TP63: variants seen among roughly 807,000 people sequenced by gnomAD.
The protein encoded by TP63 is tumor protein p63.
In TP63, 17 loss-of-function variants were observed where a neutral mutation model predicts 82.8. The observed-to-expected ratio is 0.21, with a 90% CI of 0.14 to 0.31. The LOEUF (loss-of-function observed/expected upper bound fraction) is 0.31. Ranked by LOEUF, TP63 falls within the 10% of genes least tolerant of loss-of-function variation. The pLI, the probability that TP63 is intolerant of heterozygous loss-of-function variation, is 1.00. For synonymous variants in TP63, 330 were observed against 321.7 expected, an observed-to-expected ratio of 1.03 and a Z score of -0.28; for missense variants, 648 against 895.3, an observed-to-expected ratio of 0.72 and a Z score of 3.52.
At chr3:189,828,418 G>A (rs1711773309) in intron 4 of TP63, among the ~76,000 whole-genome samples, 2 of 152,122 alleles carry the variant, frequency 1.3e-5, no homozygotes, top group Admixed American at 1.3e-4. Context: ...CTAGACATTG[G>A]TTTTAGAGGT....
chr3:189,852,598 G>A (rs1430836573), intron 4 of TP63, among the ~76,000 whole-genome samples: 1 of 152,090 alleles, frequency 6.6e-6, no homozygotes, highest in Admixed American at 6.5e-5. Context: ...ACTGCCCTAG[G>A]TTGGGCCTTC....
chr3:189,694,598 G>T (rs1322893380), intron 1 of TP63, among the ~76,000 whole-genome samples: 2 of 152,048 alleles, frequency 1.3e-5, no homozygotes. Flanking sequence ...TGGGGAGGAA[G>T]ACCATGCAGG....
Position 189,878,876 on chromosome 3 carries a change from C to A in TP63, c.1349+5881C>A, listed in dbSNP as rs1344634832. 4.1e-5 allele frequency among the ~76,000 whole-genome samples: 5 copies of A among 121,118 alleles called. 1 individual carries two copies. The highest frequency in any genetic ancestry group is 1.6e-4 in the African/African-American group (5 of 30,844). 79.5% of individuals were successfully genotyped at this position (121,118 alleles called of 152,430 possible). ...ACCCCTGACCTTGTGATCCCCCTGA[C>A]CTTGGCCTCCCACAGTGCTGGGATT... On this transcript the variant is annotated intron_variant, in intron 10 of 13. Coordinates refer to ENST00000264731, the MANE Select transcript of TP63 (RefSeq NM_003722.5).
In TP63 at chr3:189,694,865, G is replaced by T. The variant is rs1209546336; in HGVS notation, c.63-42875G>T. On this transcript the variant is annotated intron_variant, in intron 1 of 13. Coordinates refer to ENST00000264731, the MANE Select transcript of TP63 (RefSeq NM_003722.5). ...CTGTCTCCTAGCCTGGAGTGCAGTG[G>T]CGTGATCTTGGCTCACTGCAACCTC... 2.6e-5 allele frequency among the ~76,000 whole-genome samples: 3 copies of T among 116,922 alleles called. No individual in the cohort carries two copies. In the Admixed American group the frequency reaches 3.7e-4, roughly 15 times the overall value. 76.7% of individuals were successfully genotyped at this position (116,922 alleles called of 152,430 possible).
intron 5 of TP63, 113 bp downstream of exon 5, chr3:189,864,531 A>T: frequency 7.5e-5 from 43 of 574,958 alleles, no homozygotes; most frequent in Non-Finnish European, 1.0e-4. Context: ...CCGATGGCAG[A>T]TCAGTCTGCC....
Position 189,895,238 on chromosome 3 carries a change from T to A in TP63, c.*736T>A, listed in dbSNP as rs1055700666. On this transcript the variant is annotated 3_prime_UTR_variant, in exon 14 of 14. Transcript: ENST00000264731. ...ACGTTGGGGTGATTTAATCCAGTTA[T>A]AAGAAGAAGTTCATGTCCAAACGTC... The A allele has an allele frequency of 9.0e-6, 2 of 221,658 alleles. No individual in the cohort carries two copies. Among genetic ancestry groups the A allele is most frequent in the East Asian group, 6.6e-5 (1 of 15,154 alleles). 13.7% of individuals were successfully genotyped at this position (221,658 alleles called of 1,614,324 possible).
At position 189,848,408 on chromosome 3, in the gene TP63, A is replaced by T. The variant is rs13327249; in HGVS notation, c.580-15824A>T. ...TTTTTTTTTTTAATTTTGTATAGGC[A>T]GAGTCTTCTTGTATTGCCCAGACTG... is the stretch of plus-strand genomic sequence containing the variant. On this transcript the variant is annotated intron_variant, in intron 4 of 13. Coordinates refer to ENST00000264731, the MANE Select transcript of TP63 (RefSeq NM_003722.5). Among the ~76,000 whole-genome samples the T allele has an allele frequency of 2.3e-3, 344 of 150,930 alleles. 1 individual carries two copies. The highest frequency in any genetic ancestry group is 8.0e-3 in the African/African-American group (327 of 40,904).
At chr3:189,695,397 G>T (rs1424442741) in intron 1 of TP63, among the ~76,000 whole-genome samples, 1 of 152,068 alleles carries the variant, frequency 6.6e-6, no homozygotes, top group Admixed American at 6.6e-5. Context: ...GGTGCTACAA[G>T]ATGTTTCAGG....
intron 1 of TP63, among the ~76,000 whole-genome samples, chr3:189,714,901 G>C (rs1718850910): frequency 6.6e-6 from 1 of 152,034 alleles, no homozygotes; most frequent in African/African-American, 2.4e-5. Flanking sequence ...TACACAACCA[G>C]AGAAGCACTG....
intron 4 of TP63, among the ~76,000 whole-genome samples, chr3:189,828,018 A>G (rs1005630896): frequency 2.6e-5 from 4 of 152,178 alleles, no homozygotes; most frequent in Non-Finnish European, 5.9e-5. Context: ...AGGCTGGTGG[A>G]TCACCTGAGG....
rs1413841706 is a variant in TP63 at position 189,737,813 on chromosome 3, A to G, written c.136A>G (p.Thr46Ala). The G allele has an allele frequency of 1.2e-6, 2 of 1,614,044 alleles. No individual in the cohort carries two copies. The highest frequency in any genetic ancestry group is 4.5e-5 in the East Asian group (2 of 44,852). The change falls in exon 2 of 14, where the codon ACA becomes GCA. Residue 46 changes from threonine (T) to alanine (A), a missense_variant. Thr to Ala is a moderately conservative substitution (Grantham distance 58). This residue lies in a region of TP63 where 182 missense variants were observed against 213.6 expected (regional missense o/e 0.85). Coordinates refer to ENST00000264731, the MANE Select transcript of TP63 (RefSeq NM_003722.5). ...YRSTMSQSTQ[T>A]NEFLSPEVFQ... is the part of the protein sequence containing the mutation. The stretch of plus-strand genomic sequence containing the variant: ...ATCCACCATGTCCCAGAGCACACAG[A>G]CAAATGAATTCCTCAGTCCAGAGGT...
At chr3:189,867,296 T>C (rs1359222928) in intron 6 of TP63, among the ~76,000 whole-genome samples, 1 of 152,218 alleles carries the variant, frequency 6.6e-6, no homozygotes, top group Admixed American at 6.5e-5. Context: ...TGGCTTGCTG[T>C]GTGGACCTTC....
In TP63 at chr3:189,889,337, C is replaced by G; in HGVS notation, c.1508-3C>G. Reference sequence around the variant, plus strand: ...CCTTTTTGTTCCTCCTGCTTCTGTTCAGTTCCCATGATGGGCACCCACATG... The same window carrying G: ...CCTTTTTGTTCCTCCTGCTTCTGTTGAGTTCCCATGATGGGCACCCACATG... On this transcript the variant is annotated splice_region_variant and splice_polypyrimidine_tract_variant and intron_variant, in intron 11 of 13. Transcript: ENST00000264731. The G allele has an allele frequency of 6.2e-7, 1 of 1,614,172 alleles. No homozygotes were observed. Among genetic ancestry groups the G allele is most frequent in the Non-Finnish European group, 8.5e-7 (1 of 1,180,020 alleles).
At chr3:189,770,394 G>C (rs183417442) in intron 3 of TP63, among the ~76,000 whole-genome samples, 1 of 151,994 alleles carries the variant, frequency 6.6e-6, no homozygotes, top group East Asian at 1.9e-4. Context: ...GTGAAACCCC[G>C]TCTCTACTAA....
intron 1 of TP63, among the ~76,000 whole-genome samples, chr3:189,690,690 G>A (rs1281418230): frequency 2.6e-5 from 4 of 152,152 alleles, no homozygotes; most frequent in Admixed American, 6.5e-5. Flanking sequence ...GATGATTTTG[G>A]CCTGTTATTT....
intron 10 of TP63, chr3:189,873,283 A>G (rs765892455): frequency 4.2e-6 from 2 of 472,856 alleles, no homozygotes; most frequent in Non-Finnish European, 7.8e-6. Flanking sequence ...TGCCTGGTCC[A>G]TACACACTAA....
At chr3:189,672,288 T>C (rs1027751445) in intron 1 of TP63, among the ~76,000 whole-genome samples, 2 of 152,074 alleles carry the variant, frequency 1.3e-5, no homozygotes, top group Admixed American at 6.6e-5. Context: ...AAATAAATTA[T>C]GTAAGCTCCT....
intron 3 of TP63, among the ~76,000 whole-genome samples, chr3:189,749,554 G>T (rs779813791): frequency 6.6e-6 from 1 of 152,160 alleles, no homozygotes; most frequent in Admixed American, 6.5e-5. Context: ...TATTGAGGAT[G>T]CAGAGAAAAA....
intron 4 of TP63, among the ~76,000 whole-genome samples, chr3:189,820,725 A>T (rs112773293): frequency 6.6e-6 from 1 of 152,224 alleles, no homozygotes; most frequent in African/African-American, 2.4e-5. Flanking sequence ...TTATGGATAT[A>T]AACTTCTAAT....
Sources: allele counts gnomAD v4.1 joint callset (sites outside exome capture counted in the v4.1 genomes callset), GRCh38; gene constraint gnomAD v4.1.1; regional missense constraint gnomAD v4.1.1; transcripts MANE v1.5; gene names NCBI Gene and HGNC (gene_info 2026-07-23, HGNC 2026-07-21).